Variants in OSBP2 observed in about 807,000 individuals in gnomAD.
OSBP2 encodes oxysterol binding protein 2.
Under a neutral mutation model 96.0 loss-of-function variants are expected in OSBP2, and 66 were observed. That is an observed-to-expected ratio of 0.69 (90% confidence interval 0.56 to 0.84). The LOEUF (loss-of-function observed/expected upper bound fraction) is 0.84. Among genes scored for constraint, OSBP2 ranks in the 40% least tolerant of loss-of-function variants. OSBP2 has a pLI of 0.00. For synonymous variants in OSBP2, 525 were observed against 520.9 expected (o/e 1.01, Z -0.11); for missense variants, 1,038 against 1,222.7 (o/e 0.85, Z 2.25).
At position 30,829,116 on chromosome 22, in the gene OSBP2, G is replaced by A. The variant is rs542990478; in HGVS notation, c.854-41313G>A. Among the ~76,000 whole-genome samples, 53 of 152,282 alleles carry A rather than the reference G, an allele frequency of 3.5e-4. 1 individual carries two copies. The highest frequency in any genetic ancestry group is 3.1e-3 in the Admixed American group (48 of 15,290). On this transcript the variant is annotated intron_variant, in intron 2 of 13. Transcript: ENST00000332585. ...AGGCTCCCCCAGCCAGGCAGTCAAG[G>A]TTCTTTGCCACTGGTAGCCCCAAGG...
At chr22:30,776,564 G>A (rs2090440691) in intron 2 of OSBP2, among the ~76,000 whole-genome samples, 2 of 151,980 alleles carry the variant, frequency 1.3e-5, no homozygotes, top group Admixed American at 1.3e-4. Context: ...TCAACAGAAG[G>A]CACTGGGACA....
chr22:30,741,859 G>A (rs893719682), intron 2 of OSBP2, among the ~76,000 whole-genome samples: 7 of 149,932 alleles, frequency 4.7e-5, no homozygotes, highest in South Asian at 2.1e-4. Flanking sequence ...TCACTCTGTC[G>A]CCCAGGCTGG....
At chr22:30,745,099 C>T (rs569619291) in intron 2 of OSBP2, among the ~76,000 whole-genome samples, 11 of 151,958 alleles carry the variant, frequency 7.2e-5, no homozygotes, top group Middle Eastern at 3.4e-3. Flanking sequence ...AAGGGAAATT[C>T]GAAAATACAT....
At chr22:30,814,856 A>T (rs181153698) in intron 2 of OSBP2, among the ~76,000 whole-genome samples, 1 of 152,324 alleles carries the variant, frequency 6.6e-6, no homozygotes, top group African/African-American at 2.4e-5. Context: ...CTGGATGAGA[A>T]TCTGGGAAGT....
chr22:30,857,468 T>C (rs981337244), intron 2 of OSBP2, among the ~76,000 whole-genome samples: 1 of 152,232 alleles, frequency 6.6e-6, no homozygotes, highest in Non-Finnish European at 1.5e-5. Context: ...TCGCGACCGA[T>C]ATGGGACAGG....
chr22:30,798,748 C>T (rs948073095), intron 2 of OSBP2, among the ~76,000 whole-genome samples: 2 of 152,206 alleles, frequency 1.3e-5, no homozygotes, highest in Non-Finnish European at 2.9e-5. Flanking sequence ...CATGGTGGCT[C>T]ACACCTGTAA....
chr22:30,818,963 A>G (rs1333489043), intron 2 of OSBP2, among the ~76,000 whole-genome samples: 1 of 152,168 alleles, frequency 6.6e-6, no homozygotes, highest in Non-Finnish European at 1.5e-5. Context: ...GAACCTCAGG[A>G]AGGTTTCAGA....
intron 12 of OSBP2, among the ~76,000 whole-genome samples, chr22:30,900,552 G>T (rs2040173075): frequency 1.3e-5 from 2 of 151,766 alleles, no homozygotes; most frequent in South Asian, 4.2e-4. Context: ...GACCAGAGAG[G>T]ACTTACCCTA....
At chr22:30,746,870 A>T (rs2090008305) in intron 2 of OSBP2, among the ~76,000 whole-genome samples, 2 of 152,220 alleles carry the variant, frequency 1.3e-5, no homozygotes, top group Non-Finnish European at 1.5e-5. Context: ...ACAAGAAAAG[A>T]AAAGTATAAA....
chr22:30,796,434 A>G (rs2090762904), intron 2 of OSBP2, among the ~76,000 whole-genome samples: 1 of 152,178 alleles, frequency 6.6e-6, no homozygotes, highest in South Asian at 2.1e-4. Flanking sequence ...ATGTTATTTT[A>G]AATTATCTTC....
intron 1 of OSBP2, among the ~76,000 whole-genome samples, chr22:30,732,952 C>T (rs111807279): frequency 0.044 from 6,765 of 152,236 alleles, 273 homozygotes; most frequent in African/African-American, 0.1. Flanking sequence ...AAGGCTGTAT[C>T]GAATGGAAGT....
intron 2 of OSBP2, among the ~76,000 whole-genome samples, chr22:30,859,872 C>T (rs1457807670): frequency 6.6e-6 from 1 of 152,144 alleles, no homozygotes; most frequent in Non-Finnish European, 1.5e-5. Context: ...CTTTGGTTAC[C>T]CAGGAGGCAG....
chr22:30,792,478 C>T (rs2090689517), intron 2 of OSBP2, among the ~76,000 whole-genome samples: 1 of 152,060 alleles, frequency 6.6e-6, no homozygotes, highest in Non-Finnish European at 1.5e-5. Flanking sequence ...CTTACAGGCC[C>T]ACGGGTAAAA....
intron 2 of OSBP2, among the ~76,000 whole-genome samples, chr22:30,835,651 T>C (rs2038614080): frequency 6.6e-6 from 1 of 152,218 alleles, no homozygotes; most frequent in Non-Finnish European, 1.5e-5. Flanking sequence ...AGATTCACAC[T>C]GAAGTCCTTA....
chr22:30,829,826 ATAT>A (rs2038484816), intron 2 of OSBP2, among the ~76,000 whole-genome samples: 1 of 152,230 alleles, frequency 6.6e-6, no homozygotes, highest in African/African-American at 2.4e-5. Context: ...ATTAGTAATA[ATAT>A]TTGACTGGTC....
At chr22:30,698,574 A>C (rs1394207859) in intron 1 of OSBP2, among the ~76,000 whole-genome samples, 1 of 150,796 alleles carries the variant, frequency 6.6e-6, no homozygotes, top group African/African-American at 2.4e-5. Context: ...GAGTAGCTGG[A>C]ACTACAGGCG....
chr22:30,825,159 A>G (rs948546599), intron 2 of OSBP2, among the ~76,000 whole-genome samples: 13 of 152,072 alleles, frequency 8.5e-5, no homozygotes, highest in African/African-American at 1.9e-4. Context: ...TACCTTTTTG[A>G]TCCTCAGTTT....
chr22:30,893,604 G>GGGCTGGC (rs1196891466), intron 10 of OSBP2, 34 bp from the exon 11 acceptor site: 12 of 1,613,120 alleles, frequency 7.4e-6, no homozygotes, highest in Non-Finnish European at 1.0e-5. Context: ...CATGGCCCGG[G>GGGCTGGC]GGCTGGCCGC....
At position 30,823,392 on chromosome 22, in the gene OSBP2, G is replaced by C. The variant is rs118007438; in HGVS notation, c.854-47037G>C. ...AAATTTTGCGTGAGTGAAATTTGCT[G>C]TATTTACCTTGATGAGTGTTTCTGT... On this transcript the variant is annotated intron_variant, in intron 2 of 13. Transcript: ENST00000332585. Among the ~76,000 whole-genome samples, 27 of 152,354 alleles carry C rather than the reference G, an allele frequency of 1.8e-4. No individual in the cohort carries two copies. The East Asian group carries it at 4.8e-3, about 27-fold the overall frequency.
Sources: gnomAD v4.1 joint callset for allele counts (sites outside exome capture counted in the v4.1 genomes callset) on GRCh38, gnomAD v4.1.1 for gene constraint, MANE v1.5 for transcripts, NCBI Gene and HGNC (gene_info 2026-07-23, HGNC 2026-07-21) for gene names.